The following AHI1 variants were observed in gnomAD, a reference collection of about 807,000 sequenced individuals.
AHI1 encodes the protein jouberin.
Under a neutral mutation model 149.3 loss-of-function variants are expected in AHI1, and 123 were observed. The ratio of observed to expected loss-of-function variants is 0.82; its 90% CI spans 0.71 to 0.96. The LOEUF (loss-of-function observed/expected upper bound fraction) is 0.96. Among genes scored for constraint, AHI1 ranks in the 40% least tolerant of loss-of-function variants. AHI1 has a pLI of 0.00. For synonymous variants in AHI1, 475 were observed against 459.8 expected, an observed-to-expected ratio of 1.03 and a Z score of -0.42; for missense variants, 1,439 against 1,422.7, an observed-to-expected ratio of 1.01 and a Z score of -0.18.
At chr6:135,394,111 C>T (rs1055490879) in intron 23 of AHI1, among the ~76,000 whole-genome samples, 19 of 151,980 alleles carry the variant, frequency 1.3e-4, no homozygotes, top group South Asian at 4.1e-4. Flanking sequence ...TTATTTTCAG[C>T]TTTCTTACCT....
chr6:135,364,576 C>T (rs1436963345), intron 23 of AHI1, among the ~76,000 whole-genome samples: 6 of 151,312 alleles, frequency 4.0e-5, no homozygotes, highest in Admixed American at 6.6e-5. Flanking sequence ...GCCGAGATCA[C>T]GCCACTGCAC....
intron 14 of AHI1, among the ~76,000 whole-genome samples, chr6:135,439,077 C>G (rs1785860875): frequency 3.9e-5 from 6 of 152,070 alleles, no homozygotes; most frequent in Admixed American, 3.3e-4. Context: ...CACGGAAAAA[C>G]AAAGTTTCCA....
intron 24 of AHI1, among the ~76,000 whole-genome samples, chr6:135,331,176 G>C (rs1788538047): frequency 6.6e-6 from 1 of 152,190 alleles, no homozygotes; most frequent in Admixed American, 6.5e-5. Context: ...CAAATCTTGA[G>C]CTGACAGAGT....
chr6:135,354,827 A>C (rs986342988), intron 24 of AHI1, among the ~76,000 whole-genome samples: 1 of 152,198 alleles, frequency 6.6e-6, no homozygotes, highest in Non-Finnish European at 1.5e-5. Context: ...CATTCAGGAC[A>C]AAAATTAGTG....
intron 26 of AHI1, among the ~76,000 whole-genome samples, chr6:135,315,953 G>C (rs1038286924): frequency 6.6e-6 from 1 of 152,154 alleles, no homozygotes; most frequent in African/African-American, 2.4e-5. Flanking sequence ...TTTTTGGCCA[G>C]AGAATTCTTT....
intron 20 of AHI1, among the ~76,000 whole-genome samples, chr6:135,412,966 A>G (rs533027635): frequency 1.3e-5 from 2 of 152,190 alleles, no homozygotes; most frequent in Non-Finnish European, 2.9e-5. Flanking sequence ...GAAAAGGTTA[A>G]TAATTGTCAA....
At chr6:135,297,880 T>C (rs186056210) in intron 27 of AHI1, among the ~76,000 whole-genome samples, 106 of 152,292 alleles carry the variant, frequency 7.0e-4, no homozygotes, top group Non-Finnish European at 1.1e-3. Flanking sequence ...ACAGGATGCT[T>C]GGAATTGACA....
intron 24 of AHI1, among the ~76,000 whole-genome samples, chr6:135,338,654 T>C (rs1789797459): frequency 6.6e-6 from 1 of 152,212 alleles, no homozygotes; most frequent in East Asian, 1.9e-4. Context: ...CTCAGGAGTG[T>C]GATTTTAAGA....
At position 135,447,134 on chromosome 6, in the gene AHI1, C is replaced by T; in HGVS notation, c.1653G>A (p.Met551Ile). The T allele has an allele frequency of 6.3e-7, 1 of 1,591,580 alleles. No individual in the cohort carries two copies. The highest frequency in any genetic ancestry group is 8.5e-7 in the Non-Finnish European group (1 of 1,170,180). Residue 551 changes from methionine (M) to isoleucine (I), a missense_variant, in exon 13 of 29, where the codon ATG becomes ATA. Met to Ile is a conservative substitution (Grantham distance 10). Coordinates refer to ENST00000265602, the MANE Select transcript of AHI1 (RefSeq NM_001134831.2). The part of the protein sequence containing the change: ...DCIKPSYRSM[M>I]ALQEEKGKPV... ...GTTTACCTTTTTCCTCCTGAAGAGC[C>T]ATCATAGAGCGGTAAGATGGCTTTA...
intron 3 of AHI1, among the ~76,000 whole-genome samples, chr6:135,493,643 C>T (rs573125322): frequency 3.9e-5 from 6 of 151,952 alleles, no homozygotes; most frequent in East Asian, 1.9e-4. Context: ...CCTGAGAGCA[C>T]GGAAGTAGAA....
intron 23 of AHI1, among the ~76,000 whole-genome samples, chr6:135,383,725 T>C (rs149150375): frequency 6.6e-6 from 1 of 152,360 alleles, no homozygotes; most frequent in East Asian, 1.9e-4. Flanking sequence ...TATGCCCAAT[T>C]ATCTTAAAAA....
At chr6:135,389,819 T>C (rs925992602) in intron 23 of AHI1, among the ~76,000 whole-genome samples, 7 of 152,210 alleles carry the variant, frequency 4.6e-5, no homozygotes, top group Admixed American at 1.3e-4. Context: ...AACTACCACA[T>C]TGCCAGTAGT....
rs1348619633 is a variant in AHI1 at position 135,411,355 on chromosome 6, G to C, written c.2954C>G (p.Thr985Ser). ...TGCATAAAATAAACTTACTGTGACA[G>C]TTTCAAGCCTCTGTTTTACTAGCTG... ...KMQLVKQRLE[T>S]VTEVIRSCAA... is the part of the protein sequence containing the mutation. Residue 985 changes from threonine (T) to serine (S), a missense_variant, in exon 21 of 29, where the codon ACT (threonine) becomes AGT (serine). By Grantham distance (58) the Thr-to-Ser change is moderately conservative. Transcript: ENST00000265602. 6.2e-7 allele frequency: 1 copy of C among 1,610,706 alleles called. No homozygotes were observed. The highest frequency in any genetic ancestry group is 2.2e-5 in the East Asian group (1 of 44,870).
chr6:135,469,266 T>A (rs1028673499), intron 5 of AHI1, among the ~76,000 whole-genome samples: 3 of 152,138 alleles, frequency 2.0e-5, no homozygotes, highest in Non-Finnish European at 4.4e-5. Flanking sequence ...AACCATATGA[T>A]TATCTGAATA....
chr6:135,458,692 G>C (rs1355829805), intron 8 of AHI1, among the ~76,000 whole-genome samples: 1 of 152,162 alleles, frequency 6.6e-6, no homozygotes, highest in Non-Finnish European at 1.5e-5. Context: ...GGATATTTTG[G>C]CATGCTTGGG....
chr6:135,300,969 T>G (rs1244723236), intron 26 of AHI1: 1 of 985,720 alleles, frequency 1.0e-6, no homozygotes, highest in Non-Finnish European at 1.2e-6. Context: ...TAATACACAT[T>G]GATCTGTATG....
intron 23 of AHI1, among the ~76,000 whole-genome samples, chr6:135,361,827 T>C (rs930230953): frequency 6.6e-6 from 1 of 152,112 alleles, no homozygotes; most frequent in Non-Finnish European, 1.5e-5. Context: ...AGCTTTTAAA[T>C]TTTATTTTTT....
intron 23 of AHI1, among the ~76,000 whole-genome samples, chr6:135,381,189 A>G (rs569903543): frequency 2.0e-4 from 30 of 151,386 alleles, no homozygotes; most frequent in Admixed American, 5.3e-4. Flanking sequence ...TGAAGAAGGG[A>G]AAAAAAAAGG....
chr6:135,363,047 A>G (rs1391304093), intron 23 of AHI1, among the ~76,000 whole-genome samples: 1 of 147,862 alleles, frequency 6.8e-6, no homozygotes, highest in East Asian at 1.9e-4. Context: ...TTATTTTATT[A>G]TTATTATTAT....
Sources: allele counts gnomAD v4.1 joint callset (sites outside exome capture counted in the v4.1 genomes callset), GRCh38; gene constraint gnomAD v4.1.1; transcripts MANE v1.5; gene names NCBI Gene and HGNC (gene_info 2026-07-23, HGNC 2026-07-21).